Variants in AGBL4 observed in about 807,000 individuals in gnomAD.
AGBL4 encodes the protein AGBL carboxypeptidase 4.
A neutral mutation model predicts 66.4 loss-of-function variants in AGBL4; 58 were observed. The ratio of observed to expected loss-of-function variants is 0.87; its 90% confidence interval spans 0.71 to 1.09. AGBL4 has a LOEUF of 1.09. Ranked by LOEUF, AGBL4 falls within the 50% of genes least tolerant of loss-of-function variation. The probability of loss-of-function intolerance (pLI) is 0.00; values close to 1 mark genes in which losing one functional copy is unlikely to be tolerated. For missense variants in AGBL4, 579 were observed against 631.0 expected (o/e 0.92, Z 0.88); for synonymous variants, 234 against 222.9 (o/e 1.05, Z -0.44).
intron 2 of AGBL4, among the ~76,000 whole-genome samples, chr1:49,814,856 AG>A (rs1645193306): frequency 6.6e-6 from 1 of 152,150 alleles, no homozygotes; most frequent in South Asian, 2.1e-4. Flanking sequence ...AAATATGAAA[AG>A]TAGCCATTAA....
At chr1:49,798,480 G>A (rs1313152099) in intron 2 of AGBL4, among the ~76,000 whole-genome samples, 1 of 152,056 alleles carries the variant, frequency 6.6e-6, no homozygotes, top group Admixed American at 6.6e-5. Context: ...CTTTAATAAA[G>A]TTTAAAATCT....
At chr1:49,555,044 G>C (rs778402602) in intron 3 of AGBL4, among the ~76,000 whole-genome samples, 4 of 152,190 alleles carry the variant, frequency 2.6e-5, no homozygotes, top group Non-Finnish European at 4.4e-5. Flanking sequence ...ACAGGAAGAA[G>C]GGGAACCGAG....
At chr1:48,852,677 G>A (rs1392779713) in intron 6 of AGBL4, among the ~76,000 whole-genome samples, 2 of 152,158 alleles carry the variant, frequency 1.3e-5, no homozygotes, top group Admixed American at 6.5e-5. Context: ...TTAGGTCTAC[G>A]TTAGGATAGG....
intron 2 of AGBL4, among the ~76,000 whole-genome samples, chr1:49,770,989 T>A (rs1029365714): frequency 6.6e-6 from 1 of 152,134 alleles, no homozygotes. Context: ...AAATTTTTTT[T>A]AGTCTCTTTC....
intron 5 of AGBL4, among the ~76,000 whole-genome samples, chr1:48,986,813 A>C (rs1660211260): frequency 6.6e-6 from 1 of 152,106 alleles, no homozygotes; most frequent in South Asian, 2.1e-4. Flanking sequence ...TTTACTATTC[A>C]AATAAAATAA....
intron 4 of AGBL4, among the ~76,000 whole-genome samples, chr1:49,085,108 C>A (rs529668352): frequency 6.6e-6 from 1 of 152,014 alleles, no homozygotes; most frequent in African/African-American, 2.4e-5. Flanking sequence ...AAATAACCTA[C>A]GCAGGTGGAC....
intron 4 of AGBL4, among the ~76,000 whole-genome samples, chr1:49,096,639 T>C (rs192785739): frequency 1.2e-3 from 147 of 127,110 alleles, no homozygotes; most frequent in African/African-American, 4.0e-3. Flanking sequence ...AACTGAACAA[T>C]GAGAACACAT....
chr1:48,668,596 C>T (rs900018939), intron 6 of AGBL4, among the ~76,000 whole-genome samples: 1 of 152,126 alleles, frequency 6.6e-6, no homozygotes, highest in African/African-American at 2.4e-5. Flanking sequence ...TGCCAGCCCC[C>T]ATCTTGGCCG....
intron 11 of AGBL4, chr1:48,583,857 T>TG (rs951019500): frequency 5.9e-5 from 9 of 151,464 alleles, no homozygotes; most frequent in African/African-American, 2.2e-4. Flanking sequence ...ATGAGAGTTT[T>TG]TTTTTTTTTT....
At chr1:49,130,534 C>T (rs1645868244) in intron 4 of AGBL4, among the ~76,000 whole-genome samples, 1 of 152,154 alleles carries the variant, frequency 6.6e-6, no homozygotes, top group Admixed American at 6.6e-5. Context: ...CTACATATGG[C>T]TAGCCAGTTA....
chr1:48,537,477 A>G (rs563902352), intron 12 of AGBL4, among the ~76,000 whole-genome samples: 1 of 152,182 alleles, frequency 6.6e-6, no homozygotes, highest in Admixed American at 6.5e-5. Context: ...ATCCTCTCCC[A>G]TCTCCACGAA....
At chr1:49,071,707 G>A (rs1335876981) in intron 4 of AGBL4, among the ~76,000 whole-genome samples, 2 of 151,938 alleles carry the variant, frequency 1.3e-5, no homozygotes, top group East Asian at 3.9e-4. Flanking sequence ...GTGCTGAGAA[G>A]AATGCATATT....
At chr1:48,781,653 G>A (rs1175543399) in intron 6 of AGBL4, among the ~76,000 whole-genome samples, 1 of 152,210 alleles carries the variant, frequency 6.6e-6, no homozygotes, top group Non-Finnish European at 1.5e-5. Context: ...CAGTTCTAAT[G>A]CCAGGAAGCT....
At chr1:48,624,067 G>T (rs1422268631) in intron 9 of AGBL4, among the ~76,000 whole-genome samples, 1 of 152,148 alleles carries the variant, frequency 6.6e-6, no homozygotes, top group Non-Finnish European at 1.5e-5. Context: ...CAGAGAGGGA[G>T]CAAAGAAGAA....
intron 5 of AGBL4, among the ~76,000 whole-genome samples, chr1:48,910,179 C>T (rs569525758): frequency 2.0e-5 from 3 of 152,252 alleles, no homozygotes; most frequent in African/African-American, 7.2e-5. Flanking sequence ...TTCTGGATTC[C>T]ACACAGATGA....
chr1:49,209,237 A>T (rs1648482207), intron 4 of AGBL4, among the ~76,000 whole-genome samples: 1 of 152,162 alleles, frequency 6.6e-6, no homozygotes, highest in Non-Finnish European at 1.5e-5. Context: ...GAAATGAAAC[A>T]GATAAAGAAG....
rs372722685 is a variant in AGBL4 at position 48,899,115 on chromosome 1, G to T, written c.595-31885C>A. Among the ~76,000 whole-genome samples the T allele has an allele frequency of 4.5e-4, 69 of 152,322 alleles. 1 individual carries two copies. The South Asian group carries it at 9.7e-3, about 21-fold the overall frequency. The stretch of plus-strand genomic sequence containing the variant: ...CTGCAGGCTGGCCTTCCGCACCGTC[G>T]TGAAGCCCCCGACAGGCCCCACACC... On this transcript the variant is annotated intron_variant, in intron 5 of 13. Coordinates refer to ENST00000371839, the MANE Select transcript of AGBL4 (RefSeq NM_032785.4).
At chr1:50,014,069 T>A (rs1016313929) in intron 1 of AGBL4, among the ~76,000 whole-genome samples, 1 of 152,158 alleles carries the variant, frequency 6.6e-6, no homozygotes, top group African/African-American at 2.4e-5. Context: ...CAGAGACAGA[T>A]ACATCCAAAT....
chr1:49,620,628 C>T (rs556055887), intron 3 of AGBL4, among the ~76,000 whole-genome samples: 1 of 152,012 alleles, frequency 6.6e-6, no homozygotes, highest in Non-Finnish European at 1.5e-5. Context: ...ATGTATATAA[C>T]CTTGGAAAAG....
Sources: gnomAD v4.1 joint callset for allele counts (sites outside exome capture counted in the v4.1 genomes callset) on GRCh38, gnomAD v4.1.1 for gene constraint, MANE v1.5 for transcripts, NCBI Gene and HGNC (gene_info 2026-07-23, HGNC 2026-07-21) for gene names.